The following LHFPL1 variants were observed in gnomAD, a reference collection of about 807,000 sequenced individuals.
LHFPL1 encodes the protein LHFPL tetraspan subfamily member 1 protein.
A neutral mutation model predicts 12.1 loss-of-function variants in LHFPL1; 4 were observed. The observed-to-expected ratio is 0.33, with a 90% confidence interval of 0.16 to 0.76. LHFPL1 has a LOEUF of 0.76. Ranked by LOEUF, LHFPL1 falls within the 30% of genes least tolerant of loss-of-function variation. The pLI is 0.61. For synonymous variants in LHFPL1, 52 were observed against 61.9 expected (o/e 0.84, Z 0.75); for missense variants, 141 against 174.1 (o/e 0.81, Z 1.07).
intron 3 of LHFPL1, among the ~76,000 whole-genome samples, chrX:112,643,639 C>T (rs1252461242): frequency 9.0e-6 from 1 of 111,232 alleles, no homozygotes; most frequent in Non-Finnish European, 1.9e-5. Context: ...GCCCTAGACA[C>T]GTGGGGATTA....
chrX:112,636,710 C>T (rs1930350100), intron 3 of LHFPL1, among the ~76,000 whole-genome samples: 1 of 112,052 alleles, frequency 8.9e-6, no homozygotes, highest in Admixed American at 9.5e-5. Context: ...AATGTTTTAA[C>T]TCCACCAGGT....
rs111620839 is a variant in LHFPL1, at chrX:112,644,453, TTGTG to T, written c.482-12856_482-12853del. ...GCAAATTAGCATATATTTCTCCTGTTTGTGTGTGTGTGTGTGTGTGTGTGTGTAC... is the reference window on the plus strand; with the variant it reads ...GCAAATTAGCATATATTTCTCCTGTTTGTGTGTGTGTGTGTGTGTGTGTAC... On this transcript the variant is annotated intron_variant, in intron 3 of 3. Transcript: ENST00000371968. Among the ~76,000 whole-genome samples the T allele has an allele frequency of 2.4e-3, 252 of 104,784 alleles. 2 individuals carry two copies. Among genetic ancestry groups the T allele is most frequent in the South Asian group, 6.3e-3 (15 of 2,366 alleles). The allele number at this position is 104,784 out of a possible 115,157, so 91.0% of individuals were successfully genotyped here. A position where few individuals can be genotyped will look rare whatever the true frequency, so the allele number is the denominator to read the frequency against.
intron 3 of LHFPL1, among the ~76,000 whole-genome samples, chrX:112,657,778 T>G (rs939878296): frequency 6.3e-5 from 7 of 110,540 alleles, no homozygotes; most frequent in Non-Finnish European, 1.3e-4. Context: ...CTTTCAAAAT[T>G]AACTCAAAAC....
At position 112,671,374 on chromosome X, in the gene LHFPL1, G is replaced by T; in HGVS notation, c.17C>A (p.Thr6Asn). 8.3e-7 allele frequency: 1 copy of T among 1,211,761 alleles called. No homozygotes were observed. Among genetic ancestry groups the T allele is most frequent in the Non-Finnish European group, 1.1e-6 (1 of 895,452 alleles). Residue 6 changes from threonine to asparagine, a missense_variant, in exon 2 of 4, where the codon ACC (threonine) becomes AAC (asparagine). Coordinates refer to ENST00000371968, the MANE Select transcript of LHFPL1 (RefSeq NM_178175.4). The stretch of plus-strand genomic sequence containing the variant: ...GAAGGCCCAGAGGGTTCCCACCATG[G>T]TCAGGCTGCTCCTCATGGTCACAGG... MRSSL[T>N]MVGTLWAFLS...
At chrX:112,668,387 T>G (rs1290689665) in intron 2 of LHFPL1, among the ~76,000 whole-genome samples, 1 of 112,404 alleles carries the variant, frequency 8.9e-6, no homozygotes, top group African/African-American at 3.2e-5. Context: ...CAGGAATGGT[T>G]CTTAATTGGC....
chrX:112,642,773 A>G (rs755477403), intron 3 of LHFPL1, among the ~76,000 whole-genome samples: 1 of 110,802 alleles, frequency 9.0e-6, no homozygotes, highest in African/African-American at 3.3e-5. Context: ...CTATGTCAGA[A>G]AAGATAGAAA....
intron 1 of LHFPL1, among the ~76,000 whole-genome samples, chrX:112,678,406 G>A (rs772499100): frequency 3.4e-4 from 38 of 111,759 alleles, no homozygotes; most frequent in African/African-American, 1.1e-3. Context: ...GGTTGGCTAC[G>A]AGTTCTATCT....
intron 3 of LHFPL1, among the ~76,000 whole-genome samples, chrX:112,658,719 C>A (rs961240285): frequency 9.0e-6 from 1 of 111,460 alleles, no homozygotes; most frequent in Non-Finnish European, 1.9e-5. Flanking sequence ...GAAAGCCTGG[C>A]AGTTCCTCAA....
At chrX:112,659,449 G>A (rs1045279527) in intron 3 of LHFPL1, among the ~76,000 whole-genome samples, 2 of 109,542 alleles carry the variant, frequency 1.8e-5, no homozygotes, top group South Asian at 3.9e-4. Context: ...GACAGAGGGC[G>A]GCTCCATCTC....
intron 2 of LHFPL1, among the ~76,000 whole-genome samples, chrX:112,669,643 G>C (rs1931434736): frequency 8.9e-6 from 1 of 112,214 alleles, no homozygotes; most frequent in African/African-American, 3.2e-5. Context: ...GCCTAGCCCA[G>C]GGTTTCTCAA....
intron 3 of LHFPL1, among the ~76,000 whole-genome samples, chrX:112,638,159 T>C (rs1035087428): frequency 2.7e-5 from 3 of 111,934 alleles, no homozygotes; most frequent in Admixed American, 1.9e-4. Context: ...AAGAGAACAA[T>C]ATTAGCATTT....
At chrX:112,631,694 T>G in intron 3 of LHFPL1, 93 bp from the exon 4 acceptor site, 1 of 595,540 alleles carries the variant, frequency 1.7e-6, no homozygotes, top group Non-Finnish European at 2.6e-6. Flanking sequence ...GAAAGTACAG[T>G]TTTTATACAT....
rs750742193 is a variant in LHFPL1, at chrX:112,631,532, G to A, written c.551C>T (p.Thr184Ile). The A allele has an allele frequency of 8.3e-7, 1 of 1,210,546 alleles. No individual in the cohort carries two copies. The highest frequency in any genetic ancestry group is 2.2e-5 in the Admixed American group (1 of 46,026). The stretch of plus-strand genomic sequence containing the variant: ...TCTTCCAGCAAAGCAAGAGAGCCAG[G>A]TGCAGATCAACATGGCTGCAGCTGC... Reference protein sequence around the residue: ...GGAAAAMLICTWLSCFAGRNP... With the variant: ...GGAAAAMLICIWLSCFAGRNP... The change falls in exon 4 of 4, where the codon ACC becomes ATC. Residue 184 changes from threonine to isoleucine, a missense_variant. Physicochemically the swap from Thr to Ile is moderately conservative, Grantham distance 89. Coordinates refer to ENST00000371968, the MANE Select transcript of LHFPL1 (RefSeq NM_178175.4).
At chrX:112,643,946 C>T (rs6568075) in intron 3 of LHFPL1, among the ~76,000 whole-genome samples, 3,887 of 111,637 alleles carry the variant, frequency 0.035, 113 homozygotes, top group East Asian at 0.13. Flanking sequence ...AAAACAGAAG[C>T]GATACCAACT....
At chrX:112,672,164 A>C (rs1375983228) in intron 1 of LHFPL1, among the ~76,000 whole-genome samples, 1 of 112,032 alleles carries the variant, frequency 8.9e-6, no homozygotes, top group Admixed American at 9.4e-5. Context: ...AGGAGAGGTT[A>C]TCTCTGGAAT....
At chrX:112,677,386 T>A (rs989941246) in intron 1 of LHFPL1, among the ~76,000 whole-genome samples, 1 of 111,371 alleles carries the variant, frequency 9.0e-6, no homozygotes, top group African/African-American at 3.3e-5. Context: ...AAGAGCAGCT[T>A]TCTTGGCACT....
At chrX:112,674,551 T>C (rs1169639833) in intron 1 of LHFPL1, among the ~76,000 whole-genome samples, 1 of 107,592 alleles carries the variant, frequency 9.3e-6, no homozygotes, top group African/African-American at 3.4e-5. Context: ...TCTGACAAAG[T>C]ACTAATATCC....
intron 3 of LHFPL1, among the ~76,000 whole-genome samples, chrX:112,635,691 G>T (rs1037845385): frequency 8.9e-6 from 1 of 111,984 alleles, no homozygotes; most frequent in African/African-American, 3.2e-5. Context: ...TTGCAGCTGG[G>T]AAAATTTGAG....
intron 3 of LHFPL1, among the ~76,000 whole-genome samples, chrX:112,633,310 G>C (rs1413553587): frequency 8.9e-6 from 1 of 111,835 alleles, no homozygotes; most frequent in Non-Finnish European, 1.9e-5. Context: ...CTTAAATTTT[G>C]AATTAAAGTT....
Sources: allele counts gnomAD v4.1 joint callset (sites outside exome capture counted in the v4.1 genomes callset), GRCh38; gene constraint gnomAD v4.1.1; transcripts MANE v1.5; gene names NCBI Gene and HGNC (gene_info 2026-07-23, HGNC 2026-07-21).